The following CCSER2 variants were observed in gnomAD, a reference collection of about 807,000 sequenced individuals.
CCSER2 encodes the protein serine-rich coiled-coil domain-containing protein 2.
In CCSER2, 46 loss-of-function variants were observed where a neutral mutation model predicts 92.3. That is an observed-to-expected ratio of 0.50 (90% CI 0.39 to 0.64). The LOEUF (loss-of-function observed/expected upper bound fraction) is 0.64. Ranked by LOEUF, CCSER2 falls within the 30% of genes least tolerant of loss-of-function variation. CCSER2 has a pLI of 0.00. For synonymous variants in CCSER2, 433 were observed against 431.4 expected (o/e 1.00, Z -0.04); for missense variants, 1,244 against 1,238.9 (o/e 1.00, Z -0.06).
intron 9 of CCSER2, among the ~76,000 whole-genome samples, chr10:84,509,726 T>C (rs1029044215): frequency 6.6e-6 from 1 of 152,220 alleles, no homozygotes; most frequent in Non-Finnish European, 1.5e-5. Flanking sequence ...AAAGTTTTAC[T>C]CATTTGTGAC....
At chr10:84,419,660 G>A (rs71487108) in intron 4 of CCSER2, among the ~76,000 whole-genome samples, 8,871 of 152,242 alleles carry the variant, frequency 0.058, 370 homozygotes, top group Admixed American at 0.1. Flanking sequence ...CGCTTAGTAT[G>A]CTCTGGCAAA....
At chr10:84,427,619 G>T (rs1564651915) in intron 5 of CCSER2, among the ~76,000 whole-genome samples, 1 of 152,148 alleles carries the variant, frequency 6.6e-6, no homozygotes, top group Non-Finnish European at 1.5e-5. Flanking sequence ...AAGACTGGTG[G>T]TTGAGAACTA....
chr10:84,345,185 A>C (rs893177896), intron 1 of CCSER2, among the ~76,000 whole-genome samples: 1 of 152,208 alleles, frequency 6.6e-6, no homozygotes, highest in African/African-American at 2.4e-5. Context: ...AATACTAGCT[A>C]GTAAGATTCT....
intron 3 of CCSER2, among the ~76,000 whole-genome samples, chr10:84,396,780 A>G (rs1464259185): frequency 6.6e-6 from 1 of 151,954 alleles, no homozygotes; most frequent in East Asian, 1.9e-4. Context: ...TAAGTGATCG[A>G]CCCGTCTTGG....
chr10:84,379,219 A>C (rs1364366751), intron 3 of CCSER2, among the ~76,000 whole-genome samples: 1 of 152,134 alleles, frequency 6.6e-6, no homozygotes, highest in Admixed American at 6.5e-5. Flanking sequence ...CATTTCATCT[A>C]AACTTGTCAT....
At chr10:84,379,774 A>G (rs1347130751) in intron 3 of CCSER2, among the ~76,000 whole-genome samples, 1 of 151,940 alleles carries the variant, frequency 6.6e-6, no homozygotes, top group African/African-American at 2.4e-5. Flanking sequence ...TTCTTTTTTA[A>G]CTCAATTTTA....
intron 3 of CCSER2, among the ~76,000 whole-genome samples, chr10:84,390,240 C>T (rs996824678): frequency 2.6e-5 from 4 of 152,080 alleles, no homozygotes; most frequent in African/African-American, 4.8e-5. Context: ...CCATCTCTGA[C>T]GGTGATAAAC....
chr10:84,443,354 C>T (rs963136720), intron 6 of CCSER2, among the ~76,000 whole-genome samples: 8 of 152,104 alleles, frequency 5.3e-5, no homozygotes, highest in Non-Finnish European at 1.2e-4. Flanking sequence ...AGACACTTCT[C>T]GAAAGAAGAC....
At chr10:84,432,161 C>T (rs1041529908) in intron 5 of CCSER2, among the ~76,000 whole-genome samples, 2 of 152,196 alleles carry the variant, frequency 1.3e-5, no homozygotes, top group Non-Finnish European at 2.9e-5. Context: ...TGATGTTGAA[C>T]ATTTTCTCAC....
chr10:84,483,956 TATATATATATATATATATATATATATATA>T (rs1847622821), intron 9 of CCSER2, among the ~76,000 whole-genome samples: 2 of 89,192 alleles, frequency 2.2e-5, no homozygotes, highest in African/African-American at 1.4e-4. Context: ...GGCTAATTTA[TATATATATATATATATATATATATATATA>T]TATATATATA....
intron 9 of CCSER2, among the ~76,000 whole-genome samples, chr10:84,487,286 A>C (rs751822329): frequency 1.2e-3 from 178 of 152,210 alleles, no homozygotes; most frequent in African/African-American, 3.2e-3. Context: ...TGAAGAAAGT[A>C]ATTGGTAGCT....
In CCSER2 at chr10:84,441,491, C is replaced by T. The variant is rs193290138; in HGVS notation, c.2064+2784C>T. Among the ~76,000 whole-genome samples the T allele has an allele frequency of 5.1e-4, 78 of 152,024 alleles. 2 individuals are homozygous for T. The highest frequency in any genetic ancestry group is 5.0e-3 in the Admixed American group (77 of 15,270). On this transcript the variant is annotated intron_variant, in intron 6 of 9. Coordinates refer to ENST00000372088, the MANE Select transcript of CCSER2 (RefSeq NM_001284240.2). The stretch of plus-strand genomic sequence containing the variant: ...TTAAATGGTCATTTTGTTTTTTATG[C>T]TTATTTTGATTTCTCTTTCTTCTGG...
At chr10:84,481,352 C>T (rs1228492081) in intron 9 of CCSER2, among the ~76,000 whole-genome samples, 3 of 151,748 alleles carry the variant, frequency 2.0e-5, no homozygotes, top group Non-Finnish European at 4.4e-5. Flanking sequence ...TCAACCTCAG[C>T]TTTTGTGTAT....
intron 5 of CCSER2, among the ~76,000 whole-genome samples, chr10:84,433,283 A>T (rs1843893232): frequency 6.6e-6 from 1 of 152,210 alleles, no homozygotes; most frequent in African/African-American, 2.4e-5. Flanking sequence ...ATTGTCTTAA[A>T]ATGTTACCAC....
At chr10:84,463,457 T>C (rs1211023696) in intron 6 of CCSER2, among the ~76,000 whole-genome samples, 2 of 152,200 alleles carry the variant, frequency 1.3e-5, no homozygotes, top group African/African-American at 4.8e-5. Flanking sequence ...AATGGAGTTA[T>C]GTGATATATA....
chr10:84,342,967 G>C (rs1404762712), intron 1 of CCSER2, among the ~76,000 whole-genome samples: 20 of 152,054 alleles, frequency 1.3e-4, no homozygotes, highest in Admixed American at 1.2e-3. Flanking sequence ...CTGCCTCCCG[G>C]GTTCAAGCAA....
intron 4 of CCSER2, among the ~76,000 whole-genome samples, chr10:84,423,846 A>C (rs901833821): frequency 6.6e-6 from 1 of 152,146 alleles, no homozygotes; most frequent in African/African-American, 2.4e-5. Context: ...CTAAGCTAAA[A>C]GCAATTTTAA....
intron 9 of CCSER2, among the ~76,000 whole-genome samples, chr10:84,491,394 C>G (rs1048276689): frequency 6.6e-6 from 1 of 152,158 alleles, no homozygotes; most frequent in Non-Finnish European, 1.5e-5. Flanking sequence ...CCACCCAGTT[C>G]GAGCTTCCCG....
intron 3 of CCSER2, among the ~76,000 whole-genome samples, chr10:84,399,376 G>A (rs1589550728): frequency 6.6e-6 from 1 of 152,008 alleles, no homozygotes; most frequent in African/African-American, 2.4e-5. Flanking sequence ...TCTTTTTTAT[G>A]GCTGAGTAAT....
Sources: gnomAD v4.1 joint callset for allele counts (sites outside exome capture counted in the v4.1 genomes callset) on GRCh38, gnomAD v4.1.1 for gene constraint, MANE v1.5 for transcripts, NCBI Gene and HGNC (gene_info 2026-07-23, HGNC 2026-07-21) for gene names.